SLC1A2: variants seen among roughly 807,000 people sequenced by gnomAD.
SLC1A2 encodes solute carrier family 1 member 2, also known as excitatory amino acid transporter 2.
In SLC1A2, 15 loss-of-function variants were observed where a neutral mutation model predicts 48.8. That is an observed-to-expected ratio of 0.31 (90% CI 0.21 to 0.47). The LOEUF (loss-of-function observed/expected upper bound fraction) is 0.47. SLC1A2 is among the 20% of genes least tolerant of loss of function. SLC1A2 has a pLI of 0.99. For missense variants in SLC1A2, 502 were observed against 730.5 expected (o/e 0.69, Z 3.61); for synonymous variants, 279 against 272.6 (o/e 1.02, Z -0.23).
At chr11:35,273,262 G>A (rs1309765243) in intron 9 of SLC1A2, among the ~76,000 whole-genome samples, 1 of 152,182 alleles carries the variant, frequency 6.6e-6, no homozygotes, top group African/African-American at 2.4e-5. Context: ...GAGGAAGGCT[G>A]GCACAGCTCT....
chr11:35,342,554 T>G (rs978927556), intron 1 of SLC1A2, among the ~76,000 whole-genome samples: 1 of 151,832 alleles, frequency 6.6e-6, no homozygotes, highest in Non-Finnish European at 1.5e-5. Flanking sequence ...TTGTTTGTTT[T>G]TTTTGCCTTG....
chr11:35,301,784 G>T (rs1194250596), intron 5 of SLC1A2, 139 bp from the exon 6 acceptor site: 8 of 778,686 alleles, frequency 1.0e-5, no homozygotes, highest in Non-Finnish European at 1.6e-5. Context: ...AAAGAACAAA[G>T]CATTATATTT....
At position 35,291,434 on chromosome 11, in the gene SLC1A2, G is replaced by A. The variant is rs148058790; in HGVS notation, c.1091+853C>T. ...CCCCCACCGCACCTGGCTAATTTTT[G>A]TATTTTTAGTAGAGACAGGGTTTCA... On this transcript the variant is annotated intron_variant, in intron 7 of 10. Transcript: ENST00000278379. 12 of 152,100 alleles carry A rather than the reference G, an allele frequency of 7.9e-5. No homozygotes were observed. The East Asian group carries it at 2.3e-3, about 29-fold the overall frequency. 9.4% of individuals were successfully genotyped at this position (152,100 alleles called of 1,614,324 possible).
intron 9 of SLC1A2, among the ~76,000 whole-genome samples, chr11:35,267,746 C>T (rs146468675): frequency 1.2e-4 from 18 of 150,670 alleles, no homozygotes; most frequent in Middle Eastern, 3.4e-3. Context: ...GTAAAATCTC[C>T]AGCCCCCAAT....
chr11:35,317,587 G>C, intron 1 of SLC1A2, 71 bp from the exon 2 acceptor site: 2 of 1,526,072 alleles, frequency 1.3e-6, no homozygotes, highest in South Asian at 2.4e-5. Context: ...GGCTCGACTA[G>C]TAGGAACCTC....
At chr11:35,276,661 G>C (rs917935927) in intron 9 of SLC1A2, among the ~76,000 whole-genome samples, 2 of 152,130 alleles carry the variant, frequency 1.3e-5, no homozygotes, top group Non-Finnish European at 2.9e-5. Flanking sequence ...CATCCAACAG[G>C]CTTGAAAACA....
intron 6 of SLC1A2, chr11:35,298,404 A>C (rs952555403): frequency 1.3e-5 from 2 of 152,242 alleles, no homozygotes; most frequent in Non-Finnish European, 2.9e-5. Context: ...TAACTGCTAC[A>C]TAGAAAAGAA....
chr11:35,376,774 A>T (rs969465797), intron 1 of SLC1A2, among the ~76,000 whole-genome samples: 2 of 152,204 alleles, frequency 1.3e-5, no homozygotes, highest in Non-Finnish European at 2.9e-5. Flanking sequence ...AAAAAAAAGC[A>T]AAAACAAAAA....
At chr11:35,309,744 T>G (rs1384875171) in intron 4 of SLC1A2, among the ~76,000 whole-genome samples, 1 of 152,218 alleles carries the variant, frequency 6.6e-6, no homozygotes, top group Non-Finnish European at 1.5e-5. Flanking sequence ...TCTCTGGAAA[T>G]GCCACGTCCC....
chr11:35,311,471 C>A (rs1316673218), intron 4 of SLC1A2, among the ~76,000 whole-genome samples: 1 of 152,124 alleles, frequency 6.6e-6, no homozygotes, highest in African/African-American at 2.4e-5. Flanking sequence ...GGGTTGAATT[C>A]TTTTAAAGAT....
chr11:35,342,938 C>G (rs4439485), intron 1 of SLC1A2, among the ~76,000 whole-genome samples: 26 of 152,232 alleles, frequency 1.7e-4, no homozygotes, highest in African/African-American at 6.3e-4. Flanking sequence ...AATACTAGCC[C>G]CAAGTTGGTC....
At chr11:35,291,708 T>C (rs1851014437) in intron 7 of SLC1A2, 1 of 154,754 alleles carries the variant, frequency 6.5e-6, no homozygotes, top group Non-Finnish European at 1.4e-5. Flanking sequence ...TGGAACTAAG[T>C]AACAAAGGGG....
Position 35,322,870 on chromosome 11 carries a change from T to A in SLC1A2, c.18-5354A>T. The A allele has an allele frequency of 6.2e-6, 4 of 644,758 alleles. No homozygotes were observed. In the South Asian group the frequency reaches 7.2e-5, roughly 12 times the overall value. The allele number at this position is 644,758 out of a possible 1,614,324, so 39.9% of individuals were successfully genotyped here. ...CTCCTTGAAGAATGCCACCCCTGCT[T>A]TAAAAGGGCCTGAAACTCTAAGACT... is the stretch of plus-strand genomic sequence containing the variant. On this transcript the variant is annotated intron_variant, in intron 1 of 10. Coordinates refer to ENST00000278379, the MANE Select transcript of SLC1A2 (RefSeq NM_004171.4).
intron 1 of SLC1A2, among the ~76,000 whole-genome samples, chr11:35,344,822 C>T (rs1453636577): frequency 1.3e-5 from 2 of 152,196 alleles, no homozygotes; most frequent in South Asian, 2.1e-4. Context: ...GCACAATCTT[C>T]GGCCTGCTCA....
At chr11:35,383,348 T>C in intron 1 of SLC1A2, among the ~76,000 whole-genome samples, 1 of 152,222 alleles carries the variant, frequency 6.6e-6, no homozygotes, top group Non-Finnish European at 1.5e-5. Context: ...TTTTTGTTGT[T>C]GTTATTTTTA....
chr11:35,275,161 T>A (rs7121587), intron 9 of SLC1A2, among the ~76,000 whole-genome samples: 57,414 of 152,006 alleles, frequency 0.38, 11,060 homozygotes, highest in South Asian at 0.53. Flanking sequence ...AGGAATGCTG[T>A]TGGGAGGAGC....
At chr11:35,334,801 T>G (rs1852562364) in intron 1 of SLC1A2, among the ~76,000 whole-genome samples, 1 of 151,896 alleles carries the variant, frequency 6.6e-6, no homozygotes, top group African/African-American at 2.4e-5. Flanking sequence ...TTGTAGAGTC[T>G]GGCTGGAGAG....
chr11:35,254,017 A>G lies in SLC1A2; in HGVS notation c.*6877T>C, dbSNP rs563468144. On this transcript the variant is annotated 3_prime_UTR_variant, in exon 11 of 11. Transcript: ENST00000278379. Reference sequence around the variant, plus strand: ...CAAGCTAGGGGATTTGTTTAAAAAAATGTAAGACTGGGCTGGAGGAATTTG... The same window carrying G: ...CAAGCTAGGGGATTTGTTTAAAAAAGTGTAAGACTGGGCTGGAGGAATTTG... 1 of 152,568 alleles carries G rather than the reference A, an allele frequency of 6.6e-6. No individual in the cohort carries two copies. Among genetic ancestry groups the G allele is most frequent in the Admixed American group, 6.5e-5 (1 of 15,296 alleles). The allele number at this position is 152,568 out of a possible 1,614,324, so 9.5% of individuals were successfully genotyped here.
At chr11:35,266,910 T>C (rs962849833) in intron 9 of SLC1A2, among the ~76,000 whole-genome samples, 5 of 152,194 alleles carry the variant, frequency 3.3e-5, no homozygotes, top group Non-Finnish European at 7.3e-5. Flanking sequence ...GAAGCTGCAC[T>C]AGGAAAAGTC....
Sources: allele counts gnomAD v4.1 joint callset (sites outside exome capture counted in the v4.1 genomes callset), GRCh38; gene constraint gnomAD v4.1.1; transcripts MANE v1.5; gene names NCBI Gene and HGNC (gene_info 2026-07-23, HGNC 2026-07-21).